The following GNG14 variants were observed in gnomAD, a reference collection of about 807,000 sequenced individuals.
GNG14 encodes guanine nucleotide-binding protein G(I)/G(S)/G(O) subunit gamma-14.
For missense variants in GNG14, 103 were observed against 53.6 expected, an observed-to-expected ratio of 1.92 and a Z score of -2.87; for synonymous variants, 44 against 22.5, an observed-to-expected ratio of 1.96 and a Z score of -2.71.
chr19:12,688,137 T>G lies in GNG14; in HGVS notation c.89T>G (p.Val30Gly), dbSNP rs981032635. Residue 30 changes from valine (V) to glycine (G), a missense_variant, in exon 1 of 1, where the codon GTG becomes GGG. Val to Gly is a moderately radical substitution (Grantham distance 109). Transcript: ENST00000640151. The stretch of plus-strand genomic sequence containing the variant: ...CAGATGGAGGCAGGCATCGACCAAG[T>G]GAAGGTGAGGGTCGGGGCCAGTGCA... ...QLQMEAGIDQ[V>G]KVRVGASAGG... 2.8e-6 allele frequency: 2 copies of G among 702,090 alleles called. No homozygotes were observed. Among genetic ancestry groups the G allele is most frequent in the Middle Eastern group, 2.3e-4 (1 of 4,384 alleles). The allele number at this position is 702,090 out of a possible 1,614,324, so 43.5% of individuals were successfully genotyped here. A position where few individuals can be genotyped will look rare whatever the true frequency, so the allele number is the denominator to read the frequency against.
At position 12,688,397 on chromosome 19, in the gene GNG14, C is replaced by G; in HGVS notation, c.*25C>G. ...AACCCAGGGCAATGCCACCCTGTGG[C>G]CTGGGCAAACCAGGGGGCCTCAATA... On this transcript the variant is annotated 3_prime_UTR_variant, in exon 1 of 1. Transcript: ENST00000640151. The G allele has an allele frequency of 1.4e-6, 1 of 699,478 alleles. No homozygotes were observed. The highest frequency in any genetic ancestry group is 2.7e-5 in the East Asian group (1 of 37,206). The allele number at this position is 699,478 out of a possible 1,614,324, so 43.3% of individuals were successfully genotyped here. A position where few individuals can be genotyped will look rare whatever the true frequency, so the allele number is the denominator to read the frequency against.
In GNG14 at chr19:12,688,238, G is replaced by A. The variant is rs1286155762; in HGVS notation, c.190G>A (p.Val64Ile). The part of the protein sequence containing the change: ...CLGLVWLNQL[V>I]CRCPKMAADL... ...GGGTCTGGTCTGGCTGAACCAGTTG[G>A]TCTGCAGGTGTCCAAAGATGGCCGC... Residue 64 changes from valine to isoleucine, a missense_variant, in exon 1 of 1, where the codon GTC becomes ATC. Coordinates refer to ENST00000640151, the MANE Select transcript of GNG14 (RefSeq NM_001316692.2). The A allele has an allele frequency of 1.4e-6, 1 of 702,572 alleles. No individual in the cohort carries two copies. Among genetic ancestry groups the A allele is most frequent in the East Asian group, 2.7e-5 (1 of 37,280 alleles). 43.5% of individuals were successfully genotyped at this position (702,572 alleles called of 1,614,324 possible).
Position 12,688,212 on chromosome 19 carries a change from T to G in GNG14, c.164T>G (p.Leu55Arg), listed in dbSNP as rs768333223. 2.8e-6 allele frequency: 2 copies of G among 702,602 alleles called. No individual in the cohort carries two copies. The highest frequency in any genetic ancestry group is 1.5e-5 in the South Asian group (1 of 67,600). The allele number at this position is 702,602 out of a possible 1,614,324, so 43.5% of individuals were successfully genotyped here. A position where few individuals can be genotyped will look rare whatever the true frequency, so the allele number is the denominator to read the frequency against. Residue 55 changes from leucine (L) to arginine (R), a missense_variant, in exon 1 of 1, where the codon CTG (leucine) becomes CGG (arginine). Coordinates refer to ENST00000640151, the MANE Select transcript of GNG14 (RefSeq NM_001316692.2). Reference sequence around the variant, plus strand: ...ATGGGCCAGGGGACAGGTGCATGCCTGGGTCTGGTCTGGCTGAACCAGTTG... The same window carrying G: ...ATGGGCCAGGGGACAGGTGCATGCCGGGGTCTGGTCTGGCTGAACCAGTTG... ...EHMGQGTGAC[L>R]GLVWLNQLVC...
chr19:12,688,003 G>T lies in GNG14; in HGVS notation c.-46G>T, dbSNP rs1481541840. ...CGGGCAGCCCTAGGCTCCCCCTAGG[G>T]GACTGAGGTTGGGCCTGCTGCCCAC... On this transcript the variant is annotated 5_prime_UTR_variant, in exon 1 of 1. Coordinates refer to ENST00000640151, the MANE Select transcript of GNG14 (RefSeq NM_001316692.2). The T allele has an allele frequency of 2.0e-5, 13 of 642,460 alleles. No individual in the cohort carries two copies. The highest frequency in any genetic ancestry group is 1.1e-4 in the Admixed American group (5 of 44,010). The allele number at this position is 642,460 out of a possible 1,614,324, so 39.8% of individuals were successfully genotyped here.
rs1249510480 is a variant in GNG14 at position 12,688,011 on chromosome 19, G to A, written c.-38G>A. 1.5e-6 allele frequency: 1 copy of A among 648,606 alleles called. No homozygotes were observed. Among genetic ancestry groups the A allele is most frequent in the Admixed American group, 2.2e-5 (1 of 45,886 alleles). The allele number at this position is 648,606 out of a possible 1,614,324, so 40.2% of individuals were successfully genotyped here. ...CCTAGGCTCCCCCTAGGGGACTGAG[G>A]TTGGGCCTGCTGCCCACGGCCTGCC... On this transcript the variant is annotated 5_prime_UTR_variant, in exon 1 of 1. Transcript: ENST00000640151.
rs184571217 is a variant in GNG14, at chr19:12,688,261, C to A, written c.213C>A (p.Ala71=). The A allele has an allele frequency of 1.4e-6, 1 of 702,486 alleles. No individual in the cohort carries two copies. Among genetic ancestry groups the A allele is most frequent in the Non-Finnish European group, 2.6e-6 (1 of 384,994 alleles). The allele number at this position is 702,486 out of a possible 1,614,324, so 43.5% of individuals were successfully genotyped here. The change falls in exon 1 of 1, where the codon GCC becomes GCA. Residue 71 remains alanine (A), a synonymous_variant. Coordinates refer to ENST00000640151, the MANE Select transcript of GNG14 (RefSeq NM_001316692.2). The part of the protein sequence containing the change: ...NQLVCRCPKM[A]ADLLKFCTEQ... ...TGGTCTGCAGGTGTCCAAAGATGGC[C>A]GCCGATCTGCTGAAGTTCTGCACGG...
chr19:12,688,189 G>A lies in GNG14; in HGVS notation c.141G>A (p.Met47Ile). The change falls in exon 1 of 1, where the codon ATG becomes ATA. Residue 47 changes from methionine (M) to isoleucine (I), a missense_variant. Met to Ile is a conservative substitution (Grantham distance 10). Transcript: ENST00000640151. ...SAGGGKRWEH[M>I]GQGTGACLGL... Reference sequence around the variant, plus strand: ...GAGGCGGGAAGAGGTGGGAACACATGGGCCAGGGGACAGGTGCATGCCTGG... The same window carrying A: ...GAGGCGGGAAGAGGTGGGAACACATAGGCCAGGGGACAGGTGCATGCCTGG... The A allele has an allele frequency of 1.4e-6, 1 of 702,694 alleles. No homozygotes were observed. 43.5% of individuals were successfully genotyped at this position (702,694 alleles called of 1,614,324 possible).
chr19:12,688,222 C>G lies in GNG14; in HGVS notation c.174C>G (p.Val58=), dbSNP rs887500694. 7 of 702,448 alleles carry G rather than the reference C, an allele frequency of 1.0e-5. No individual in the cohort carries two copies. Among genetic ancestry groups the G allele is most frequent in the Admixed American group, 2.0e-5 (1 of 49,988 alleles). The allele number at this position is 702,448 out of a possible 1,614,324, so 43.5% of individuals were successfully genotyped here. Reference sequence around the variant, plus strand: ...GGACAGGTGCATGCCTGGGTCTGGTCTGGCTGAACCAGTTGGTCTGCAGGT... The same window carrying G: ...GGACAGGTGCATGCCTGGGTCTGGTGTGGCTGAACCAGTTGGTCTGCAGGT... ...GQGTGACLGL[V]WLNQLVCRCP... Residue 58 remains valine (V), a synonymous_variant, in exon 1 of 1, where the codon GTC becomes GTG. Coordinates refer to ENST00000640151, the MANE Select transcript of GNG14 (RefSeq NM_001316692.2).
Sources: allele counts gnomAD v4.1 joint callset, GRCh38; gene constraint gnomAD v4.1.1; transcripts MANE v1.5; gene names NCBI Gene and HGNC (gene_info 2026-07-23, HGNC 2026-07-21).